The following CHST9 variants were observed in gnomAD, a reference collection of about 807,000 sequenced individuals.
The protein encoded by CHST9 is carbohydrate sulfotransferase 9.
Under a neutral mutation model 44.4 loss-of-function variants are expected in CHST9, and 41 were observed. The observed-to-expected ratio is 0.92, with a 90% CI of 0.72 to 1.20. The LOEUF is 1.20. Ranked by LOEUF, CHST9 falls within the 50% of genes most tolerant of loss-of-function variation. The pLI, the probability that CHST9 is intolerant of heterozygous loss-of-function variation, is 0.00. For synonymous variants in CHST9, 171 were observed against 178.4 expected (o/e 0.96, Z 0.33); for missense variants, 504 against 516.5 (o/e 0.98, Z 0.23).
chr18:27,060,113 T>C (rs1227133265), intron 2 of CHST9, among the ~76,000 whole-genome samples: 1 of 152,192 alleles, frequency 6.6e-6, no homozygotes, highest in African/African-American at 2.4e-5. Context: ...AGAGCACATC[T>C]TGTTGAGTGT....
chr18:26,989,998 T>G (rs2056797810), intron 4 of CHST9, among the ~76,000 whole-genome samples: 1 of 151,768 alleles, frequency 6.6e-6, no homozygotes, highest in Non-Finnish European at 1.5e-5. Flanking sequence ...AGAAAAAAGT[T>G]CATCAACAGG....
chr18:26,973,923 G>C (rs1206862672), intron 4 of CHST9, among the ~76,000 whole-genome samples: 2 of 152,152 alleles, frequency 1.3e-5, no homozygotes, highest in African/African-American at 4.8e-5. Flanking sequence ...TCTCTAATTA[G>C]ATCCTCATTA....
intron 3 of CHST9, among the ~76,000 whole-genome samples, chr18:27,039,857 A>G (rs2057426306): frequency 6.6e-6 from 1 of 152,176 alleles, no homozygotes; most frequent in Non-Finnish European, 1.5e-5. Context: ...ATGGCAAGAA[A>G]GCTAGCAGAT....
At chr18:27,049,420 TG>T (rs1488270195) in intron 2 of CHST9, among the ~76,000 whole-genome samples, 1 of 152,072 alleles carries the variant, frequency 6.6e-6, no homozygotes, top group African/African-American at 2.4e-5. Flanking sequence ...TGAAGTACTA[TG>T]GGGACAAGGA....
intron 5 of CHST9, among the ~76,000 whole-genome samples, chr18:26,940,418 A>C (rs2066430552): frequency 6.6e-6 from 1 of 152,208 alleles, no homozygotes; most frequent in African/African-American, 2.4e-5. Context: ...GGGTGACTAT[A>C]ATGCCCAGTC....
chr18:26,947,854 C>G (rs1308045775), intron 4 of CHST9, among the ~76,000 whole-genome samples: 2 of 152,162 alleles, frequency 1.3e-5, no homozygotes, highest in African/African-American at 4.8e-5. Flanking sequence ...CCTCAAGGAC[C>G]TAGAACCAGA....
chr18:26,914,635 T>C lies in CHST9; in HGVS notation c.*1624A>G. The C allele has an allele frequency of 3.2e-6, 1 of 311,000 alleles. No individual in the cohort carries two copies. The highest frequency in any genetic ancestry group is 5.8e-6 in the Non-Finnish European group (1 of 171,466). The allele number at this position is 311,000 out of a possible 1,614,324, so 19.3% of individuals were successfully genotyped here. On this transcript the variant is annotated 3_prime_UTR_variant, in exon 6 of 6. Transcript: ENST00000618847. ...CTTTTGATCTCTCAGCCCATTGCAG[T>C]TTACTTACTCCTTAGGAGACACAGA...
chr18:26,924,142 A>G (rs2055718146), intron 5 of CHST9, among the ~76,000 whole-genome samples: 1 of 152,184 alleles, frequency 6.6e-6, no homozygotes, highest in South Asian at 2.1e-4. Context: ...GCCTGGGGGC[A>G]GAGGGATCTT....
chr18:27,101,349 T>C (rs963124244), intron 2 of CHST9, among the ~76,000 whole-genome samples: 32 of 152,128 alleles, frequency 2.1e-4, no homozygotes, highest in African/African-American at 7.0e-4. Flanking sequence ...CCCAGCACTT[T>C]GGGAGGCCGA....
At chr18:27,104,960 T>C (rs77960463) in intron 2 of CHST9, among the ~76,000 whole-genome samples, 1,594 of 152,298 alleles carry the variant, frequency 0.01, 24 homozygotes, top group African/African-American at 0.034. Context: ...ATGCAAATAC[T>C]AGTCACTTTA....
intron 2 of CHST9, among the ~76,000 whole-genome samples, chr18:27,111,293 A>T (rs972284885): frequency 2.4e-4 from 37 of 152,382 alleles, no homozygotes; most frequent in Non-Finnish European, 2.6e-4. Context: ...CAGCAATTTA[A>T]TCACCACTTT....
At chr18:26,985,273 C>G (rs1371077004) in intron 4 of CHST9, among the ~76,000 whole-genome samples, 1 of 152,158 alleles carries the variant, frequency 6.6e-6, no homozygotes. Context: ...CTAAACCAGT[C>G]AAAATGAATC....
At chr18:26,955,383 T>G (rs1436968661) in intron 4 of CHST9, among the ~76,000 whole-genome samples, 2 of 152,222 alleles carry the variant, frequency 1.3e-5, no homozygotes, top group Non-Finnish European at 2.9e-5. Context: ...ATTAACCACA[T>G]TATACTTGTC....
intron 4 of CHST9, among the ~76,000 whole-genome samples, chr18:26,979,831 A>C (rs766054194): frequency 4.6e-5 from 7 of 152,190 alleles, no homozygotes; most frequent in Non-Finnish European, 1.0e-4. Context: ...TGAGTTGATA[A>C]ACTATAATTT....
chr18:27,073,966 G>A (rs1227774545), intron 2 of CHST9, among the ~76,000 whole-genome samples: 1 of 152,028 alleles, frequency 6.6e-6, no homozygotes, highest in Non-Finnish European at 1.5e-5. Context: ...CTATGAGGAG[G>A]TGCAGGCATC....
chr18:27,144,872 A>G (rs1057411641), intron 1 of CHST9, among the ~76,000 whole-genome samples: 3 of 152,030 alleles, frequency 2.0e-5, no homozygotes, highest in Admixed American at 1.3e-4. Flanking sequence ...CTGCGTTTCT[A>G]CAGTCCTTAA....
chr18:27,019,832 G>A (rs749015256), intron 4 of CHST9, among the ~76,000 whole-genome samples: 53 of 152,202 alleles, frequency 3.5e-4, no homozygotes, highest in Non-Finnish European at 6.6e-4. Flanking sequence ...ATATTCCAAG[G>A]ATTACTAAAA....
intron 1 of CHST9, among the ~76,000 whole-genome samples, chr18:27,143,285 AG>A (rs1468350772): frequency 1.3e-5 from 2 of 152,208 alleles, no homozygotes; most frequent in Admixed American, 1.3e-4. Context: ...GTAGAATGTA[AG>A]GAAAAATCAC....
Position 26,916,541 on chromosome 18 carries a change from C to T in CHST9, c.1050G>A (p.Trp350Ter), listed in dbSNP as rs760755840. 2 of 1,613,834 alleles carry T rather than the reference C, an allele frequency of 1.2e-6. No homozygotes were observed. Among genetic ancestry groups the T allele is most frequent in the Non-Finnish European group, 1.7e-6 (2 of 1,179,782 alleles). ...GATAGCAGAGTTTGCTGACCTTTTCCCAGTGAATGTCCATTCCTACTGGAC... is the reference window on the plus strand; with the variant it reads ...GATAGCAGAGTTTGCTGACCTTTTCTCAGTGAATGTCCATTCCTACTGGAC... ...SHRPVGMDIH[W>*]EKVSKLCYPC... The change falls in exon 6 of 6, where the codon TGG (tryptophan) becomes TGA (stop). Residue 350 changes from tryptophan to a stop codon, truncating the protein, a stop_gained. Coordinates refer to ENST00000618847, the MANE Select transcript of CHST9 (RefSeq NM_031422.6). LOFTEE classifies it high-confidence loss of function.
Sources: allele counts gnomAD v4.1 joint callset (sites outside exome capture counted in the v4.1 genomes callset), GRCh38; gene constraint gnomAD v4.1.1; transcripts MANE v1.5; gene names NCBI Gene and HGNC (gene_info 2026-07-23, HGNC 2026-07-21).